Variants in ZNF469 observed in about 807,000 individuals in gnomAD.
The protein encoded by ZNF469 is zinc finger protein 469.
Under a neutral mutation model 1.0 loss-of-function variants are expected in ZNF469, and 1 was observed. The observed-to-expected ratio is 1.00, with a 90% CI of 0.35 to 4.73. The LOEUF (loss-of-function observed/expected upper bound fraction) is 4.73. ZNF469 is among the 30% of genes most tolerant of loss of function. The probability of loss-of-function intolerance (pLI) is 0.16; values close to 1 mark genes in which losing one functional copy is unlikely to be tolerated. For missense variants in ZNF469, 6,100 were observed against 5,356.3 expected, an observed-to-expected ratio of 1.14 and a Z score of -4.33; for synonymous variants, 2,703 against 2,363.4, an observed-to-expected ratio of 1.14 and a Z score of -4.17.
At chr16:88,400,760 C>A (rs966312625) in intron 1 of ZNF469, among the ~76,000 whole-genome samples, 14 of 152,146 alleles carry the variant, frequency 9.2e-5, no homozygotes, top group Non-Finnish European at 1.2e-4. Flanking sequence ...AACAGTCTAT[C>A]TCTGGGCAGG....
chr16:88,140,776 T>G, the ZNF469 span, among the ~76,000 whole-genome samples: 1 of 151,968 alleles, frequency 6.6e-6, no homozygotes, highest in Admixed American at 6.6e-5. Context: ...TACTAAAAAA[T>G]ACAAAAGTTA....
At chr16:88,264,421 G>A in the ZNF469 span, among the ~76,000 whole-genome samples, 1 of 151,778 alleles carries the variant, frequency 6.6e-6, no homozygotes. Flanking sequence ...CTGGGGTGCT[G>A]TAGAGATGCC....
intron 1 of ZNF469, among the ~76,000 whole-genome samples, chr16:88,394,918 A>G (rs966937159): frequency 6.6e-6 from 1 of 151,824 alleles, no homozygotes; most frequent in Non-Finnish European, 1.5e-5. Flanking sequence ...ACTCACCCCG[A>G]TCCCTCCCTG....
the ZNF469 span, among the ~76,000 whole-genome samples, chr16:88,360,645 C>T: frequency 8.7e-4 from 106 of 122,176 alleles, 3 homozygotes; most frequent in African/African-American, 3.4e-3. Flanking sequence ...CCCCAGACAG[C>T]GCCCGCGTGC....
the ZNF469 span, among the ~76,000 whole-genome samples, chr16:88,337,867 G>C: frequency 1.7e-3 from 266 of 152,310 alleles, no homozygotes; most frequent in Admixed American, 5.0e-3. Context: ...TGCGTGCTCT[G>C]TGTATATGCT....
chr16:88,172,971 G>C, the ZNF469 span, among the ~76,000 whole-genome samples: 1 of 152,218 alleles, frequency 6.6e-6, no homozygotes, highest in Non-Finnish European at 1.5e-5. Context: ...CTGGTGACCT[G>C]TGGGATAATA....
chr16:88,307,589 C>T, the ZNF469 span, among the ~76,000 whole-genome samples: 557 of 152,322 alleles, frequency 3.7e-3, 3 homozygotes, highest in African/African-American at 0.013. Context: ...CTTTCCCTGA[C>T]GGCTAATGAT....
At chr16:88,279,889 T>C in the ZNF469 span, among the ~76,000 whole-genome samples, 1 of 134,934 alleles carries the variant, frequency 7.4e-6, no homozygotes, top group South Asian at 2.5e-4. Context: ...CAGTGCACAG[T>C]TAGTGCTGCA....
intron 1 of ZNF469, among the ~76,000 whole-genome samples, chr16:88,411,373 C>T (rs1360627248): frequency 1.3e-5 from 2 of 148,330 alleles, no homozygotes; most frequent in Non-Finnish European, 3.0e-5. Flanking sequence ...GGGGGAGTGG[C>T]GGGCAGGGGT....
the ZNF469 span, among the ~76,000 whole-genome samples, chr16:88,162,568 TA>T: frequency 6.6e-6 from 1 of 152,342 alleles, no homozygotes; most frequent in East Asian, 1.9e-4. Flanking sequence ...AGATTTTAAA[TA>T]GAACTGTTTT....
At chr16:88,188,697 G>A in the ZNF469 span, among the ~76,000 whole-genome samples, 1 of 152,148 alleles carries the variant, frequency 6.6e-6, no homozygotes, top group Non-Finnish European at 1.5e-5. Flanking sequence ...TCCAGGCTGG[G>A]AACACGGATC....
chr16:88,133,286 T>G, the ZNF469 span, among the ~76,000 whole-genome samples: 6 of 152,220 alleles, frequency 3.9e-5, no homozygotes, highest in African/African-American at 1.4e-4. Flanking sequence ...CACGGTCAAA[T>G]CATTACTGCT....
At chr16:88,373,995 G>T in the ZNF469 span, among the ~76,000 whole-genome samples, 2 of 149,398 alleles carry the variant, frequency 1.3e-5, no homozygotes, top group East Asian at 1.9e-4. Flanking sequence ...GTGAGACTTT[G>T]TCTAAAATTA....
chr16:88,232,452 G>A, the ZNF469 span, among the ~76,000 whole-genome samples: 2 of 152,176 alleles, frequency 1.3e-5, no homozygotes, highest in East Asian at 3.9e-4. Context: ...GGACTTTCGG[G>A]GGTGTCCAGG....
chr16:88,210,771 C>T, the ZNF469 span, among the ~76,000 whole-genome samples: 5 of 152,318 alleles, frequency 3.3e-5, no homozygotes, highest in East Asian at 1.9e-4. Context: ...TCTTTTCCAC[C>T]GTTCTGTTTT....
the ZNF469 span, among the ~76,000 whole-genome samples, chr16:88,238,603 G>T: frequency 1.3e-5 from 2 of 152,194 alleles, no homozygotes; most frequent in African/African-American, 2.4e-5. Context: ...ACTGGGGTTT[G>T]CCAATCACCA....
At chr16:88,123,433 T>G in the ZNF469 span, among the ~76,000 whole-genome samples, 1 of 152,126 alleles carries the variant, frequency 6.6e-6, no homozygotes, top group Non-Finnish European at 1.5e-5. Context: ...GTTTTCAATT[T>G]TGGGCTGTTG....
At chr16:88,278,817 G>A in the ZNF469 span, among the ~76,000 whole-genome samples, 66 of 131,226 alleles carry the variant, frequency 5.0e-4, 11 homozygotes, top group Middle Eastern at 0.022. Flanking sequence ...GCTGTGCCAC[G>A]CTGACACTCG....
the ZNF469 span, among the ~76,000 whole-genome samples, chr16:88,184,036 C>A: frequency 6.6e-6 from 1 of 151,900 alleles, no homozygotes; most frequent in South Asian, 2.1e-4. Context: ...GCCGGAGTCT[C>A]CGGCACTTTG....
Sources: allele counts gnomAD v4.1 joint callset (sites outside exome capture counted in the v4.1 genomes callset), GRCh38; gene constraint gnomAD v4.1.1; transcripts MANE v1.5; gene names NCBI Gene and HGNC (gene_info 2026-07-23, HGNC 2026-07-21).